The following SAMD3 variants were observed in gnomAD, a reference collection of about 807,000 sequenced individuals.
SAMD3 encodes sterile alpha motif domain containing 3, also known as sterile alpha motif domain-containing protein 3.
SAMD3 carries 63 observed loss-of-function variants against 58.5 expected under a neutral mutation model. The observed-to-expected ratio is 1.08, with a 90% CI of 0.88 to 1.33. The LOEUF is 1.33. Ranked by LOEUF, SAMD3 falls within the 40% of genes most tolerant of loss-of-function variation. The probability of loss-of-function intolerance (pLI) is 0.00; values close to 1 mark genes in which losing one functional copy is unlikely to be tolerated. For missense variants in SAMD3, 604 were observed against 608.4 expected (o/e 0.99, Z 0.08); for synonymous variants, 220 against 210.3 (o/e 1.05, Z -0.40).
chr6:130,206,532 C>G lies in SAMD3; in HGVS notation c.383+2963G>C, dbSNP rs73614533. Among the ~76,000 whole-genome samples, 1,378 of 152,310 alleles carry G rather than the reference C, an allele frequency of 9.0e-3. 18 individuals carry two copies. The highest frequency in any genetic ancestry group is 0.032 in the African/African-American group (1,321 of 41,556). ...TGGATGCTGGGAAATGCTTTTCTCA[C>G]AATAAACTCCCTTTGTCTTTACTGT... is the stretch of plus-strand genomic sequence containing the variant. On this transcript the variant is annotated intron_variant, in intron 5 of 11. Transcript: ENST00000439090.
At chr6:130,289,845 G>A (rs1775303797) in intron 2 of SAMD3, among the ~76,000 whole-genome samples, 1 of 152,190 alleles carries the variant, frequency 6.6e-6, no homozygotes, top group Non-Finnish European at 1.5e-5. Flanking sequence ...CTAGGTAGGT[G>A]ATGGCAAACT....
chr6:130,311,311 T>G (rs529619850), intron 2 of SAMD3, among the ~76,000 whole-genome samples: 2 of 152,356 alleles, frequency 1.3e-5, no homozygotes, highest in East Asian at 3.9e-4. Context: ...AGAGGCATTT[T>G]ATGAGAGACG....
intron 2 of SAMD3, among the ~76,000 whole-genome samples, chr6:130,251,008 A>T (rs1441940152): frequency 6.6e-6 from 1 of 152,182 alleles, no homozygotes; most frequent in Non-Finnish European, 1.5e-5. Context: ...TTTTGAGGAA[A>T]TGTCAGTTTT....
chr6:130,335,965 G>GAGAACACATGGACAC (rs2115017856), intron 1 of SAMD3, among the ~76,000 whole-genome samples: 1 of 152,174 alleles, frequency 6.6e-6, no homozygotes, highest in East Asian at 1.9e-4. Context: ...ACTGAACAAT[G>GAGAACACATGGACAC]AGAACACATG....
intron 9 of SAMD3, among the ~76,000 whole-genome samples, chr6:130,149,843 C>T (rs372981078): frequency 3.9e-5 from 6 of 152,298 alleles, no homozygotes; most frequent in African/African-American, 1.4e-4. Flanking sequence ...CAAACCTGCA[C>T]GACGTATCCC....
chr6:130,252,806 G>A (rs1353812508), intron 2 of SAMD3, among the ~76,000 whole-genome samples: 1 of 152,126 alleles, frequency 6.6e-6, no homozygotes, highest in African/African-American at 2.4e-5. Context: ...TCAGAGATGC[G>A]CTCTGTGGAA....
At chr6:130,220,272 T>C (rs1210519588) in intron 1 of SAMD3, among the ~76,000 whole-genome samples, 1 of 152,172 alleles carries the variant, frequency 6.6e-6, no homozygotes, top group Non-Finnish European at 1.5e-5. Flanking sequence ...AGTGCTGGGA[T>C]TACAGGTGTG....
intron 5 of SAMD3, among the ~76,000 whole-genome samples, chr6:130,194,995 C>T (rs1793952792): frequency 2.0e-5 from 3 of 152,172 alleles, no homozygotes; most frequent in Non-Finnish European, 2.9e-5. Flanking sequence ...TATTGGCGGC[C>T]AGGCTTCTAA....
intron 2 of SAMD3, among the ~76,000 whole-genome samples, chr6:130,283,263 T>C (rs1156983364): frequency 6.6e-6 from 1 of 152,002 alleles, no homozygotes; most frequent in Non-Finnish European, 1.5e-5. Context: ...GATATGAAGG[T>C]TAGAATGAGA....
At chr6:130,222,537 GCA>G (rs1796263156) in intron 1 of SAMD3, among the ~76,000 whole-genome samples, 155 bp downstream of exon 1, 1 of 152,164 alleles carries the variant, frequency 6.6e-6, no homozygotes, top group Admixed American at 6.5e-5. Flanking sequence ...GGCTGGGAAA[GCA>G]TATACTAGAA....
intron 2 of SAMD3, among the ~76,000 whole-genome samples, chr6:130,308,465 C>T (rs1475527901): frequency 7.5e-6 from 1 of 133,736 alleles, no homozygotes; most frequent in African/African-American, 3.4e-5. Context: ...AGGAAATGTC[C>T]TTGGGGAGAA....
chr6:130,350,191 T>C (rs1777607983), intron 1 of SAMD3, among the ~76,000 whole-genome samples: 2 of 152,152 alleles, frequency 1.3e-5, no homozygotes, highest in South Asian at 4.1e-4. Flanking sequence ...TCACCACTCC[T>C]ATTCAACATA....
Position 130,175,966 on chromosome 6 carries a change from G to A in SAMD3, c.697C>T (p.Arg233Ter), listed in dbSNP as rs1253128406. The change falls in exon 8 of 12, where the codon CGA (arginine) becomes TGA (stop). Residue 233 changes from arginine (R) to a stop codon, truncating the protein, a stop_gained. Transcript: ENST00000439090. LOFTEE classifies it high-confidence loss of function. ...TGCTCATCATCTTCTATGGGTCTTC[G>A]AACATATTTAAAGCGATCTTTGAGG... ...RALKDRFKYV[R>*]RPIEDDEQVI... is the part of the protein sequence containing the mutation. 13 of 1,613,336 alleles carry A rather than the reference G, an allele frequency of 8.1e-6. No individual in the cohort carries two copies. Among genetic ancestry groups the A allele is most frequent in the East Asian group, 2.2e-5 (1 of 44,796 alleles).
Position 130,207,374 on chromosome 6 carries a change from T to C in SAMD3, c.383+2121A>G, listed in dbSNP as rs554244643. 7.2e-5 allele frequency among the ~76,000 whole-genome samples: 11 copies of C among 152,214 alleles called. No homozygotes were observed. In the East Asian group the frequency reaches 1.7e-3, roughly 24 times the overall value. ...CTTGGCAAGCATTATCTATTCTTAA[T>C]GCTCAAAACAACACCATGAGAAAGT... On this transcript the variant is annotated intron_variant, in intron 5 of 11. Transcript: ENST00000439090.
intron 2 of SAMD3, among the ~76,000 whole-genome samples, chr6:130,254,319 G>A (rs1773850681): frequency 6.6e-6 from 1 of 151,528 alleles, no homozygotes; most frequent in African/African-American, 2.4e-5. Flanking sequence ...TCAGCCTCCC[G>A]AGTAGCTGGG....
chr6:130,216,533 T>A (rs1448575158), intron 2 of SAMD3, 38 bp downstream of exon 2: 1 of 152,216 alleles, frequency 6.6e-6, no homozygotes, highest in Non-Finnish European at 1.5e-5. Context: ...ATTACCAACA[T>A]CATAGTTAGA....
intron 1 of SAMD3, among the ~76,000 whole-genome samples, chr6:130,336,021 G>A (rs550266494): frequency 6.6e-6 from 1 of 152,210 alleles, no homozygotes; most frequent in East Asian, 1.9e-4. Flanking sequence ...TTGTGGGGTG[G>A]GGGAAGTGGG....
At chr6:130,318,399 C>T (rs1776463308) in intron 1 of SAMD3, among the ~76,000 whole-genome samples, 1 of 152,084 alleles carries the variant, frequency 6.6e-6, no homozygotes, top group African/African-American at 2.4e-5. Flanking sequence ...CTAAATTTTA[C>T]AATGTTTGAC....
At chr6:130,224,361 A>T (rs1796326113), upstream of SAMD3, among the ~76,000 whole-genome samples, 2 of 151,920 alleles carry the variant, frequency 1.3e-5, no homozygotes, top group African/African-American at 2.4e-5. Context: ...CCATGGGTAC[A>T]GGCCTGAGGG....
Sources: allele counts gnomAD v4.1 joint callset (sites outside exome capture counted in the v4.1 genomes callset), GRCh38; gene constraint gnomAD v4.1.1; transcripts MANE v1.5; gene names NCBI Gene and HGNC (gene_info 2026-07-23, HGNC 2026-07-21).